The following LAMA1 variants were observed in gnomAD, a reference collection of about 807,000 sequenced individuals.
LAMA1 encodes the protein laminin subunit alpha 1.
Under a neutral mutation model 348.7 loss-of-function variants are expected in LAMA1, and 219 were observed. The ratio of observed to expected loss-of-function variants is 0.63; its 90% CI spans 0.56 to 0.70. The LOEUF (loss-of-function observed/expected upper bound fraction) is 0.70, where lower values mean the gene tolerates loss of function less well. Ranked by LOEUF, LAMA1 falls within the 30% of genes least tolerant of loss-of-function variation. LAMA1 has a pLI of 0.00. For synonymous variants in LAMA1, 1,487 were observed against 1,491.0 expected (o/e 1.00, Z 0.06); for missense variants, 3,744 against 3,888.0 (o/e 0.96, Z 0.99).
In LAMA1 at chr18:7,016,985, T is replaced by C. The variant is rs72887910; in HGVS notation, c.2808+293A>G. ...ATGCTGTTCTGGTGATAGTGAATTCTCATGAGATCTGATGATTTTATAAGT... is the reference window on the plus strand; with the variant it reads ...ATGCTGTTCTGGTGATAGTGAATTCCCATGAGATCTGATGATTTTATAAGT... On this transcript the variant is annotated intron_variant, in intron 20 of 62. Transcript: ENST00000389658. Among the ~76,000 whole-genome samples the C allele has an allele frequency of 6.7e-3, 1,021 of 152,308 alleles. 7 individuals carry two copies. The highest frequency in any genetic ancestry group is 0.021 in the South Asian group (100 of 4,828).
At chr18:7,111,299 C>T (rs1268695731) in intron 1 of LAMA1, among the ~76,000 whole-genome samples, 2 of 152,166 alleles carry the variant, frequency 1.3e-5, no homozygotes, top group Non-Finnish European at 2.9e-5. Flanking sequence ...TGAATTAACA[C>T]TTCGAGATAA....
At chr18:7,062,063 C>T (rs1404499738) in intron 3 of LAMA1, among the ~76,000 whole-genome samples, 1 of 152,310 alleles carries the variant, frequency 6.6e-6, no homozygotes, top group African/African-American at 2.4e-5. Flanking sequence ...ACTGAAGCTT[C>T]GTCCAGTCAT....
At chr18:7,117,549 C>G (rs1036884129) in intron 1 of LAMA1, 111 bp downstream of exon 1, 78 of 1,159,478 alleles carry the variant, frequency 6.7e-5, no homozygotes, top group Admixed American at 1.9e-4. Flanking sequence ...CGAGGTGGAT[C>G]AGGATGCGCG....
At chr18:7,103,482 G>T (rs1204847595) in intron 1 of LAMA1, among the ~76,000 whole-genome samples, 2 of 151,680 alleles carry the variant, frequency 1.3e-5, no homozygotes, top group African/African-American at 4.8e-5. Flanking sequence ...TCTTAGTCTG[G>T]TTACCTGGAT....
intron 10 of LAMA1, 64 bp downstream of exon 10, chr18:7,040,012 A>C (rs538342543): frequency 2.3e-5 from 37 of 1,587,790 alleles, no homozygotes; most frequent in Non-Finnish European, 3.1e-5. Context: ...GAGCCAATGG[A>C]AAACACTCCT....
At chr18:6,979,022 A>G (rs1447612286) in intron 42 of LAMA1, among the ~76,000 whole-genome samples, 3 of 152,218 alleles carry the variant, frequency 2.0e-5, no homozygotes, top group Non-Finnish European at 4.4e-5. Context: ...TTTTCGAAGC[A>G]TTTAATCACA....
chr18:7,065,250 AAAAC>A (rs1209801923), intron 3 of LAMA1, among the ~76,000 whole-genome samples: 1 of 149,842 alleles, frequency 6.7e-6, no homozygotes, highest in African/African-American at 2.5e-5. Context: ...AAAAAAAAAA[AAAAC>A]AACGACTAGC....
At chr18:7,018,627 C>T (rs1316331780) in intron 19 of LAMA1, among the ~76,000 whole-genome samples, 3 of 152,052 alleles carry the variant, frequency 2.0e-5, no homozygotes, top group Non-Finnish European at 4.4e-5. Context: ...GATCTCCTGA[C>T]CTTGTGATCT....
chr18:6,954,815 G>A lies in LAMA1; in HGVS notation c.8207+538C>T, dbSNP rs377310733. 681 of 201,148 alleles carry A rather than the reference G, an allele frequency of 3.4e-3. 8 individuals carry two copies. The highest frequency in any genetic ancestry group is 0.021 in the South Asian group (234 of 10,902). The allele number at this position is 201,148 out of a possible 1,614,324, so 12.5% of individuals were successfully genotyped here. ...GACTGCAGGCAAGCCTGGCAGGTGA[G>A]CTGGAGGACCTCAGGAGGAGAGAGG... On this transcript the variant is annotated intron_variant, in intron 57 of 62. Transcript: ENST00000389658.
At chr18:7,110,326 C>A (rs1040682615) in intron 1 of LAMA1, among the ~76,000 whole-genome samples, 1 of 151,890 alleles carries the variant, frequency 6.6e-6, no homozygotes, top group Non-Finnish European at 1.5e-5. Context: ...TTAAGAGAGA[C>A]AATTTGGATA....
At position 6,973,218 on chromosome 18, in the gene LAMA1, C is replaced by G; in HGVS notation, c.6624-11G>C. 1 of 1,613,634 alleles carries G rather than the reference C, an allele frequency of 6.2e-7. No individual in the cohort carries two copies. The highest frequency in any genetic ancestry group is 8.5e-7 in the Non-Finnish European group (1 of 1,179,636). On this transcript the variant is annotated splice_polypyrimidine_tract_variant and intron_variant, in intron 46 of 62. Transcript: ENST00000389658. ...CCAATGTTTCCAAATCTAAGGGTTA[C>G]AAAGAATTGCAAAAGAAATTTTCAG...
Position 7,038,930 on chromosome 18 carries a change from G to C in LAMA1, c.1443C>G (p.Ala481=). 1 of 1,613,710 alleles carries C rather than the reference G, an allele frequency of 6.2e-7. No homozygotes were observed. The highest frequency in any genetic ancestry group is 8.5e-7 in the Non-Finnish European group (1 of 1,179,658). Residue 481 remains alanine, a synonymous_variant, in exon 11 of 63, where the codon GCC becomes GCG. Transcript: ENST00000389658. ...CVCKENVEGK[A]CDRCKPGFYN... The stretch of plus-strand genomic sequence containing the variant: ...AGAATCCTGGCTTGCAGCGATCACA[G>C]GCCTTCCCCTCAACGTTTTCCTGTA...
At chr18:6,979,550 G>A (rs532484403) in intron 42 of LAMA1, among the ~76,000 whole-genome samples, 2 of 152,234 alleles carry the variant, frequency 1.3e-5, no homozygotes, top group South Asian at 4.1e-4. Flanking sequence ...AAGAACAAAA[G>A]AGAAGTTTGA....
chr18:7,117,224 C>A (rs965960518), intron 1 of LAMA1, among the ~76,000 whole-genome samples: 8 of 152,104 alleles, frequency 5.3e-5, no homozygotes, highest in Non-Finnish European at 1.0e-4. Context: ...CTCGGGAGAG[C>A]TCTTTCTCCA....
chr18:7,083,225 G>A (rs1450699519), intron 1 of LAMA1, among the ~76,000 whole-genome samples: 12 of 142,206 alleles, frequency 8.4e-5, no homozygotes, highest in Admixed American at 5.9e-4. Context: ...AGTCTCTGTC[G>A]CCCAGGCTGG....
At position 6,986,109 on chromosome 18, in the gene LAMA1, T is replaced by C. The variant is rs1448981164; in HGVS notation, c.5379+28A>G. 5 of 1,611,790 alleles carry C rather than the reference T, an allele frequency of 3.1e-6. No homozygotes were observed. The African/African-American group carries it at 6.7e-5, about 22-fold the overall frequency. On this transcript the variant is annotated intron_variant, in intron 37 of 62. Transcript: ENST00000389658. ...GGAGTATTTTGTTACCTGTTCTAAT[T>C]GAGAAGGAGAGAGCAAGTGAGACTC...
At chr18:7,099,751 A>G (rs1272010048) in intron 1 of LAMA1, among the ~76,000 whole-genome samples, 1 of 152,088 alleles carries the variant, frequency 6.6e-6, no homozygotes. Flanking sequence ...AAAACATACC[A>G]TTAAGAAAAC....
chr18:7,078,176 A>AT (rs1342340444), intron 3 of LAMA1, among the ~76,000 whole-genome samples: 4 of 121,662 alleles, frequency 3.3e-5, no homozygotes, highest in East Asian at 2.4e-4. Flanking sequence ...ATTTTATTTT[A>AT]TTTTTTTTGA....
At chr18:7,004,121 G>A (rs2057821043) in intron 29 of LAMA1, among the ~76,000 whole-genome samples, 1 of 152,198 alleles carries the variant, frequency 6.6e-6, no homozygotes, top group African/African-American at 2.4e-5. Flanking sequence ...AAGACAAGCT[G>A]CCCCAAGAGT....
Sources: allele counts gnomAD v4.1 joint callset (sites outside exome capture counted in the v4.1 genomes callset), GRCh38; gene constraint gnomAD v4.1.1; transcripts MANE v1.5; gene names NCBI Gene and HGNC (gene_info 2026-07-23, HGNC 2026-07-21).